Variants in SGIP1 observed in about 807,000 individuals in gnomAD.
SGIP1 encodes SH3GL interacting endocytic adaptor 1.
A neutral mutation model predicts 107.5 loss-of-function variants in SGIP1; 38 were observed. The ratio of observed to expected loss-of-function variants is 0.35; its 90% CI spans 0.27 to 0.46. The LOEUF is 0.46. Ranked by LOEUF, SGIP1 falls within the 20% of genes least tolerant of loss-of-function variation. SGIP1 has a pLI of 1.00. For synonymous variants in SGIP1, 365 were observed against 366.1 expected, an observed-to-expected ratio of 1.00 and a Z score of 0.03; for missense variants, 929 against 1,019.5, an observed-to-expected ratio of 0.91 and a Z score of 1.21.
chr1:66,692,511 A>C (rs1160982443), intron 17 of SGIP1, among the ~76,000 whole-genome samples: 2 of 152,168 alleles, frequency 1.3e-5, no homozygotes, highest in African/African-American at 2.4e-5. Context: ...TATATTGTCA[A>C]GACTGACTGT....
chr1:66,671,349 C>T (rs957187352), intron 10 of SGIP1, among the ~76,000 whole-genome samples: 2 of 152,002 alleles, frequency 1.3e-5, no homozygotes, highest in African/African-American at 4.8e-5. Flanking sequence ...GAAGAACAGG[C>T]GGGCAGAAGG....
intron 17 of SGIP1, chr1:66,694,828 T>A (rs1273982094): frequency 2.5e-5 from 7 of 276,592 alleles, no homozygotes; most frequent in Admixed American, 5.1e-5. Context: ...CTTTTTAATT[T>A]AAAAAATAAT....
intron 17 of SGIP1, among the ~76,000 whole-genome samples, chr1:66,692,390 T>C (rs2090052191): frequency 2.6e-5 from 4 of 152,186 alleles, no homozygotes; most frequent in African/African-American, 7.2e-5. Flanking sequence ...TTAATCTGTT[T>C]GATTTTGTTA....
intron 1 of SGIP1, among the ~76,000 whole-genome samples, chr1:66,599,771 C>G (rs890892659): frequency 6.6e-6 from 1 of 152,126 alleles, no homozygotes; most frequent in Non-Finnish European, 1.5e-5. Context: ...GCTCCTGTAA[C>G]CGAGGAGGCT....
chr1:66,622,552 C>A (rs1265353537), intron 1 of SGIP1, among the ~76,000 whole-genome samples: 1 of 151,952 alleles, frequency 6.6e-6, no homozygotes, highest in Non-Finnish European at 1.5e-5. Context: ...TTTAAAAATC[C>A]ATCTATATTT....
At chr1:66,606,511 A>G (rs1373944416) in intron 1 of SGIP1, among the ~76,000 whole-genome samples, 4 of 152,340 alleles carry the variant, frequency 2.6e-5, no homozygotes, top group Non-Finnish European at 2.9e-5. Context: ...TAGACCAGCC[A>G]GAGGAAAAAT....
At chr1:66,615,810 G>A (rs2069152079) in intron 1 of SGIP1, 1 of 152,184 alleles carries the variant, frequency 6.6e-6, no homozygotes. Flanking sequence ...ACTGTAGTGT[G>A]AGAAAATGGA....
At position 66,534,158 on chromosome 1, in the gene SGIP1, C is replaced by G. The variant is rs2053019101; in HGVS notation, c.-201C>G. Reference sequence around the variant, plus strand: ...TCCTCTCCCTTTCTCTCAGCATCTTCTTGGTAGCCTGCCTGTAGGTGAAGA... The same window carrying G: ...TCCTCTCCCTTTCTCTCAGCATCTTGTTGGTAGCCTGCCTGTAGGTGAAGA... On this transcript the variant is annotated 5_prime_UTR_variant, in exon 1 of 25. Transcript: ENST00000371037. The G allele has an allele frequency of 1.6e-6, 1 of 616,588 alleles. No homozygotes were observed. The highest frequency in any genetic ancestry group is 2.0e-5 in the South Asian group (1 of 50,488). The allele number at this position is 616,588 out of a possible 1,614,324, so 38.2% of individuals were successfully genotyped here.
intron 1 of SGIP1, among the ~76,000 whole-genome samples, chr1:66,606,473 G>A (rs969819856): frequency 2.0e-5 from 3 of 152,156 alleles, no homozygotes; most frequent in Admixed American, 6.5e-5. Flanking sequence ...AAAGCACGGT[G>A]GCTGTGTAAT....
At chr1:66,560,784 TCA>T (rs1173027616) in intron 1 of SGIP1, among the ~76,000 whole-genome samples, 1 of 152,086 alleles carries the variant, frequency 6.6e-6, no homozygotes, top group African/African-American at 2.4e-5. Flanking sequence ...GGGTTAAATC[TCA>T]GTTATGCCAC....
intron 1 of SGIP1, among the ~76,000 whole-genome samples, chr1:66,542,111 C>T (rs2055106719): frequency 1.3e-5 from 2 of 151,832 alleles, no homozygotes; most frequent in African/African-American, 4.8e-5. Flanking sequence ...TTTTCCTATA[C>T]ATATATATGA....
intron 8 of SGIP1, chr1:66,667,089 G>A (rs959725124): frequency 1.3e-5 from 2 of 154,030 alleles, no homozygotes; most frequent in Admixed American, 1.3e-4. Flanking sequence ...AGCTCTTTTT[G>A]TACCCTAACT....
chr1:66,592,833 T>G (rs2148902573), intron 1 of SGIP1, among the ~76,000 whole-genome samples: 1 of 151,340 alleles, frequency 6.6e-6, no homozygotes, highest in Non-Finnish European at 1.5e-5. Context: ...GTTGGAATCA[T>G]ACAGTATGTA....
intron 1 of SGIP1, among the ~76,000 whole-genome samples, chr1:66,546,653 C>A (rs998359657): frequency 2.4e-4 from 36 of 152,208 alleles, no homozygotes; most frequent in Non-Finnish European, 2.2e-4. Flanking sequence ...AGTAAGTTAC[C>A]CTGATGAGGT....
At chr1:66,538,719 A>T (rs1478125982) in intron 1 of SGIP1, among the ~76,000 whole-genome samples, 1 of 152,214 alleles carries the variant, frequency 6.6e-6, no homozygotes, top group Non-Finnish European at 1.5e-5. Flanking sequence ...AGTCCATCAA[A>T]GGCTATTAAC....
In SGIP1 at chr1:66,587,963, T is replaced by C. The variant is rs577935238; in HGVS notation, c.11-37884T>C. On this transcript the variant is annotated intron_variant, in intron 1 of 24. Coordinates refer to ENST00000371037, the MANE Select transcript of SGIP1 (RefSeq NM_032291.4). ...ACCTCTATTACTTGCACTTTTTGCT[T>C]TTTGATCTTCTTTTCATTAAACAAG... Among the ~76,000 whole-genome samples the C allele has an allele frequency of 2.2e-4, 34 of 152,282 alleles. 1 individual carries two copies. The South Asian group carries it at 6.8e-3, about 31-fold the overall frequency.
At chr1:66,581,430 T>C (rs933486976) in intron 1 of SGIP1, among the ~76,000 whole-genome samples, 1 of 152,064 alleles carries the variant, frequency 6.6e-6, no homozygotes, top group South Asian at 2.1e-4. Context: ...TTATAAATAG[T>C]AGGAGCTCAA....
intron 5 of SGIP1, among the ~76,000 whole-genome samples, chr1:66,640,856 G>A (rs139236206): frequency 4.2e-4 from 64 of 151,010 alleles, no homozygotes; most frequent in Non-Finnish European, 8.4e-4. Flanking sequence ...AAAAAATGGT[G>A]AGTTTCAGAC....
intron 7 of SGIP1, among the ~76,000 whole-genome samples, chr1:66,657,611 G>T (rs550980501): frequency 1.3e-5 from 2 of 152,130 alleles, no homozygotes; most frequent in South Asian, 4.1e-4. Flanking sequence ...CTCTCCAGCT[G>T]CAGAGGATAA....
Sources: gnomAD v4.1 joint callset for allele counts (sites outside exome capture counted in the v4.1 genomes callset) on GRCh38, gnomAD v4.1.1 for gene constraint, MANE v1.5 for transcripts, NCBI Gene and HGNC (gene_info 2026-07-23, HGNC 2026-07-21) for gene names.